CTSB: variants seen among roughly 807,000 people sequenced by gnomAD.
The protein encoded by CTSB is cathepsin B.
CTSB carries 57 observed loss-of-function variants against 44.3 expected under a neutral mutation model. That is an observed-to-expected ratio of 1.29 (90% CI 1.04 to 1.60). The LOEUF (loss-of-function observed/expected upper bound fraction) is 1.60, where lower values mean the gene tolerates loss of function less well. Among genes scored for constraint, CTSB ranks in the 40% most tolerant of loss-of-function variants. The pLI, the probability that CTSB is intolerant of heterozygous loss-of-function variation, is 0.00. For missense variants in CTSB, 768 were observed against 443.0 expected (o/e 1.73, Z -6.59); for synonymous variants, 320 against 168.0 (o/e 1.91, Z -7.00).
intron 5 of CTSB, chr8:11,848,556 G>A (rs952360805): frequency 3.8e-5 from 13 of 345,534 alleles, no homozygotes; most frequent in African/African-American, 2.1e-4. Context: ...TAGGGGAGAA[G>A]CCCATGCATT....
At chr8:11,859,951 A>G (rs1258146164) in intron 1 of CTSB, among the ~76,000 whole-genome samples, 2 of 151,620 alleles carry the variant, frequency 1.3e-5, no homozygotes, top group Non-Finnish European at 2.9e-5. Flanking sequence ...TGCTGCCTGT[A>G]GTCCCAGCTA....
intron 1 of CTSB, among the ~76,000 whole-genome samples, chr8:11,857,527 G>A (rs1286055540): frequency 2.0e-5 from 3 of 152,070 alleles, no homozygotes; most frequent in African/African-American, 4.8e-5. Flanking sequence ...GGATGGGAGC[G>A]TTTCCATGGC....
At position 11,849,158 on chromosome 8, in the gene CTSB, C is replaced by A; in HGVS notation, c.334G>T (p.Gly112Trp). The change falls in exon 5 of 10, where the codon GGG becomes TGG. Residue 112 changes from glycine to tryptophan, a missense_variant. Coordinates refer to ENST00000353047, the MANE Select transcript of CTSB (RefSeq NM_001908.5). ...CGGTCAGAGATGGCTTCCACAGCCC[C>A]GAAGGCCTGCAGGAACGAGCCCCAC... ...QGSCGSCWAFGAVEAISDRIC... is the reference protein window; with the variant it reads ...QGSCGSCWAFWAVEAISDRIC... The A allele has an allele frequency of 4.3e-6, 7 of 1,611,858 alleles. No homozygotes were observed. Among genetic ancestry groups the A allele is most frequent in the Non-Finnish European group, 5.9e-6 (7 of 1,179,510 alleles).
Position 11,848,083 on chromosome 8 carries a change from G to A in CTSB, c.516C>T (p.Leu172=), listed in dbSNP as rs780193463. Residue 172 remains leucine, a synonymous_variant, in exon 6 of 10, where the codon CTC becomes CTT. Transcript: ENST00000353047. ...WTRKGLVSGG[L]YESHVGCRPY... ...CACACTTACCTACATGGGATTCATAGAGGCCACCAGAAACCAGGCCTTTTC... is the reference window on the plus strand; with the variant it reads ...CACACTTACCTACATGGGATTCATAAAGGCCACCAGAAACCAGGCCTTTTC... 6.2e-7 allele frequency: 1 copy of A among 1,613,414 alleles called. No homozygotes were observed. Among genetic ancestry groups the A allele is most frequent in the South Asian group, 1.1e-5 (1 of 91,036 alleles).
rs373568632 is a variant in CTSB, at chr8:11,843,121, G to A, written c.*2004C>T. 2.6e-5 allele frequency: 4 copies of A among 151,980 alleles called. No homozygotes were observed. Among genetic ancestry groups the A allele is most frequent in the East Asian group, 1.9e-4 (1 of 5,168 alleles). The allele number at this position is 151,980 out of a possible 1,614,324, so 9.4% of individuals were successfully genotyped here. On this transcript the variant is annotated 3_prime_UTR_variant, in exon 10 of 10. Coordinates refer to ENST00000353047, the MANE Select transcript of CTSB (RefSeq NM_001908.5). ...GTGCCACCATGCCCAGCTAATTTTT[G>A]TATTTTTAGTAGAGGTGAGGTTTCA... is the stretch of plus-strand genomic sequence containing the variant.
chr8:11,864,827 T>G (rs1250185543), intron 1 of CTSB, among the ~76,000 whole-genome samples: 1 of 151,858 alleles, frequency 6.6e-6, no homozygotes. Flanking sequence ...GGCAGGAACA[T>G]TGCTTGAACC....
chr8:11,866,533 C>T (rs1382439227), intron 1 of CTSB, among the ~76,000 whole-genome samples: 3 of 152,216 alleles, frequency 2.0e-5, no homozygotes, highest in Admixed American at 6.5e-5. Context: ...GCGGCCCAGC[C>T]CCTTTCTCCA....
intron 5 of CTSB, chr8:11,848,786 G>A: frequency 2.6e-6 from 1 of 391,862 alleles, no homozygotes; most frequent in South Asian, 2.6e-5. Context: ...CCAGGGGCCA[G>A]ACATTCCACC....
intron 1 of CTSB, among the ~76,000 whole-genome samples, chr8:11,854,198 T>G (rs1815113658): frequency 6.6e-6 from 1 of 152,074 alleles, no homozygotes; most frequent in South Asian, 2.1e-4. Context: ...AAGCAATACA[T>G]GTCTCCTGGG....
At chr8:11,845,351 C>T (rs1813086435) in intron 9 of CTSB, 129 bp from the exon 10 acceptor site, 1 of 726,686 alleles carries the variant, frequency 1.4e-6, no homozygotes, top group Non-Finnish European at 2.3e-6. Context: ...GCACAGTCCT[C>T]AACACCACAA....
intron 1 of CTSB, among the ~76,000 whole-genome samples, chr8:11,859,964 C>A (rs2150438101): frequency 6.7e-6 from 1 of 149,454 alleles, no homozygotes; most frequent in South Asian, 2.1e-4. Context: ...CCCAGCTACT[C>A]AGGAAGCTGA....
In CTSB at chr8:11,850,968, G is replaced by A. The variant is rs760427031; in HGVS notation, c.225C>T (p.Thr75=). The A allele has an allele frequency of 5.5e-5, 88 of 1,611,728 alleles. No individual in the cohort carries two copies. In the African/African-American group the frequency reaches 7.5e-4, roughly 14 times the overall value. ...GPKPPQRVMF[T]EDLKLPASFD... ...AGCTTGCAGGCAGCTTCAGGTCCTC[G>A]GTAAACATAACTCTGGATAAAGGAA... The change falls in exon 4 of 10, where the codon ACC becomes ACT. Residue 75 remains threonine, a synonymous_variant. Coordinates refer to ENST00000353047, the MANE Select transcript of CTSB (RefSeq NM_001908.5).
chr8:11,847,535 AAG>A, intron 7 of CTSB, 142 bp downstream of exon 7: 2 of 889,146 alleles, frequency 2.2e-6, no homozygotes, highest in Non-Finnish European at 3.3e-6. Context: ...TTCTCCTGGC[AAG>A]AGGGCATCAC....
chr8:11,846,886 C>A (rs939858576), intron 8 of CTSB, among the ~76,000 whole-genome samples, 166 bp downstream of exon 8: 12 of 152,086 alleles, frequency 7.9e-5, no homozygotes, highest in African/African-American at 2.9e-4. Flanking sequence ...AGGTGCCAGG[C>A]TGGTCCACAG....
chr8:11,864,338 A>AC (rs1364406072), intron 1 of CTSB: 13 of 150,788 alleles, frequency 8.6e-5, no homozygotes, highest in African/African-American at 3.2e-4. Flanking sequence ...AAAAAAAAAA[A>AC]AAAAACCTGG....
rs1469899139 is a variant in CTSB at position 11,844,336 on chromosome 8, TTTA to T, written c.*786_*788del. The T allele has an allele frequency of 2.0e-5, 3 of 152,186 alleles. No individual in the cohort carries two copies. Among genetic ancestry groups the T allele is most frequent in the African/African-American group, 7.2e-5 (3 of 41,436 alleles). 9.4% of individuals were successfully genotyped at this position (152,186 alleles called of 1,614,324 possible). On this transcript the variant is annotated 3_prime_UTR_variant, in exon 10 of 10. Coordinates refer to ENST00000353047, the MANE Select transcript of CTSB (RefSeq NM_001908.5). ...AGTAGACTTCAAGTTGGAGAAAACT[TTTA>T]TTGGCACAGGCATTCCTTGTTAACT... is the stretch of plus-strand genomic sequence containing the variant.
intron 6 of CTSB, 95 bp from the exon 7 acceptor site, chr8:11,847,917 G>A (rs56256036): frequency 1.2e-5 from 17 of 1,449,864 alleles, no homozygotes; most frequent in Middle Eastern, 2.1e-4. Context: ...TGGACGCCAG[G>A]CAGGTCCTGC....
chr8:11,851,795 T>G (rs149029740), intron 3 of CTSB, among the ~76,000 whole-genome samples: 2,393 of 151,968 alleles, frequency 0.016, 62 homozygotes, highest in African/African-American at 0.054. Flanking sequence ...GCCTCCCGAG[T>G]AGCTGGGATT....
chr8:11,864,696 C>G (rs1474188954), intron 1 of CTSB, among the ~76,000 whole-genome samples: 1 of 152,070 alleles, frequency 6.6e-6, no homozygotes, highest in African/African-American at 2.4e-5. Context: ...GTGACTCACA[C>G]CTGTAATCCC....
Sources: allele counts gnomAD v4.1 joint callset (sites outside exome capture counted in the v4.1 genomes callset), GRCh38; gene constraint gnomAD v4.1.1; transcripts MANE v1.5; gene names NCBI Gene and HGNC (gene_info 2026-07-23, HGNC 2026-07-21).